DTNB: variants seen among roughly 807,000 people sequenced by gnomAD.
DTNB encodes dystrobrevin beta.
In DTNB, 63 loss-of-function variants were observed where a neutral mutation model predicts 90.7. The observed-to-expected ratio is 0.69, with a 90% CI of 0.57 to 0.86. DTNB has a LOEUF of 0.86. Ranked by LOEUF, DTNB falls within the 40% of genes least tolerant of loss-of-function variation. The pLI, the probability that DTNB is intolerant of heterozygous loss-of-function variation, is 0.00. For missense variants in DTNB, 744 were observed against 807.1 expected, an observed-to-expected ratio of 0.92 and a Z score of 0.95; for synonymous variants, 277 against 286.7, an observed-to-expected ratio of 0.97 and a Z score of 0.34.
chr2:25,505,105 T>C (rs1208093845), intron 9 of DTNB, among the ~76,000 whole-genome samples: 1 of 152,216 alleles, frequency 6.6e-6, no homozygotes, highest in East Asian at 1.9e-4. Context: ...GCCTAAATAC[T>C]GTATAATGAT....
At chr2:25,529,449 T>C (rs1395361249) in intron 9 of DTNB, among the ~76,000 whole-genome samples, 1 of 151,620 alleles carries the variant, frequency 6.6e-6, no homozygotes, top group Non-Finnish European at 1.5e-5. Flanking sequence ...ACTATAATGT[T>C]GAGAGGCAGG....
intron 6 of DTNB, among the ~76,000 whole-genome samples, chr2:25,589,380 T>TTC (rs1224198827): frequency 2.7e-5 from 3 of 113,148 alleles, no homozygotes; most frequent in Non-Finnish European, 3.8e-5. Context: ...TTTTTTTTTT[T>TTC]TTTTTTTTTT....
intron 3 of DTNB, among the ~76,000 whole-genome samples, chr2:25,635,339 G>A (rs1046475606): frequency 6.6e-6 from 1 of 152,120 alleles, no homozygotes; most frequent in African/African-American, 2.4e-5. Flanking sequence ...GCTGGGGCAG[G>A]AGAATCAAAC....
intron 8 of DTNB, among the ~76,000 whole-genome samples, chr2:25,566,708 G>T (rs2059095874): frequency 6.6e-6 from 1 of 152,206 alleles, no homozygotes; most frequent in African/African-American, 2.4e-5. Context: ...AATAGTCAAT[G>T]CATGGGATGT....
At chr2:25,603,009 T>G (rs1232859853) in intron 5 of DTNB, among the ~76,000 whole-genome samples, 1 of 152,144 alleles carries the variant, frequency 6.6e-6, no homozygotes, top group African/African-American at 2.4e-5. Context: ...TAGGATAAAC[T>G]CAAGAAGTAG....
intron 8 of DTNB, among the ~76,000 whole-genome samples, chr2:25,565,912 AGT>A (rs1418940347): frequency 1.3e-5 from 2 of 152,154 alleles, no homozygotes; most frequent in Non-Finnish European, 2.9e-5. Context: ...CAGGGTGACT[AGT>A]GTAGGCAGAA....
chr2:25,606,009 A>C (rs1432756552), intron 5 of DTNB, among the ~76,000 whole-genome samples: 1 of 152,188 alleles, frequency 6.6e-6, no homozygotes, highest in African/African-American at 2.4e-5. Context: ...CAGTTGACCA[A>C]ATACATTAAG....
In DTNB at chr2:25,455,115, G is replaced by A. The variant is rs116447703; in HGVS notation, c.1169+290C>T. 7.0e-3 allele frequency among the ~76,000 whole-genome samples: 1,068 copies of A among 152,254 alleles called. 7 individuals are homozygous for A. Among genetic ancestry groups the A allele is most frequent in the Middle Eastern group, 0.014 (4 of 294 alleles). ...TGCATCAGATACCTCTGTGAGTACTGCGATCCCTCATAGGTTTATATATTT... is the reference window on the plus strand; with the variant it reads ...TGCATCAGATACCTCTGTGAGTACTACGATCCCTCATAGGTTTATATATTT... On this transcript the variant is annotated intron_variant, in intron 11 of 20. Transcript: ENST00000406818.
intron 15 of DTNB, 100 bp downstream of exon 15, chr2:25,427,435 G>T: frequency 1.7e-6 from 2 of 1,153,886 alleles, no homozygotes; most frequent in Non-Finnish European, 2.4e-6. Flanking sequence ...CTAAAGTCAA[G>T]CCTTTGGCCT....
intron 10 of DTNB, among the ~76,000 whole-genome samples, chr2:25,476,216 G>A (rs1411507467): frequency 2.0e-5 from 3 of 152,016 alleles, no homozygotes; most frequent in African/African-American, 2.4e-5. Flanking sequence ...TTACAGGCAG[G>A]TGCCACCATG....
rs201543432 is a variant in DTNB, at chr2:25,390,029, G to A, written c.1576-1668C>T. On this transcript the variant is annotated intron_variant, in intron 16 of 20. Coordinates refer to ENST00000406818, the MANE Select transcript of DTNB (RefSeq NM_021907.5). ...AAATTTGCAATATTTTTGTCCACCA[G>A]TTCTTTCCTGTTCCAGTTCTTTCCT... is the stretch of plus-strand genomic sequence containing the variant. Among the ~76,000 whole-genome samples the A allele has an allele frequency of 2.0e-5, 3 of 152,196 alleles. No homozygotes were observed. In the East Asian group the frequency reaches 5.8e-4, roughly 29 times the overall value.
intron 1 of DTNB, among the ~76,000 whole-genome samples, chr2:25,662,840 G>A (rs1041527265): frequency 1.3e-5 from 2 of 152,086 alleles, no homozygotes; most frequent in African/African-American, 4.8e-5. Flanking sequence ...TTCTTAGGCT[G>A]GGTTCTAGGT....
At chr2:25,461,374 C>T (rs965434763) in intron 10 of DTNB, among the ~76,000 whole-genome samples, 6 of 152,032 alleles carry the variant, frequency 3.9e-5, no homozygotes, top group Non-Finnish European at 8.8e-5. Flanking sequence ...CAAAGTTGTA[C>T]CTAGTTTACC....
Position 25,563,753 on chromosome 2 carries a change from GACA to G in DTNB, c.876+13082_876+13084del, listed in dbSNP as rs1229491032. Among the ~76,000 whole-genome samples the G allele has an allele frequency of 5.9e-5, 9 of 152,194 alleles. No homozygotes were observed. In the East Asian group the frequency reaches 1.7e-3, roughly 29 times the overall value. On this transcript the variant is annotated intron_variant, in intron 8 of 20. Coordinates refer to ENST00000406818, the MANE Select transcript of DTNB (RefSeq NM_021907.5). ...TGGTCATCACCCTCATTGAAAAATCGACAACAACAAATACAAGGGTTTATTTCT... is the reference window on the plus strand; with the variant it reads ...TGGTCATCACCCTCATTGAAAAATCGACAACAAATACAAGGGTTTATTTCT...
At chr2:25,629,843 A>G (rs1333616286) in intron 3 of DTNB, among the ~76,000 whole-genome samples, 1 of 152,244 alleles carries the variant, frequency 6.6e-6, no homozygotes, top group Non-Finnish European at 1.5e-5. Context: ...CCTCAAGATC[A>G]GGAACAAGAC....
At position 25,439,140 on chromosome 2, in the gene DTNB, G is replaced by A. The variant is rs141840226; in HGVS notation, c.1258-5145C>T. ...AAATATGAATAAAGTATGGACTTTA[G>A]TTAATAATAATGTATCAATATTGCT... On this transcript the variant is annotated intron_variant, in intron 12 of 20. Transcript: ENST00000406818. Among the ~76,000 whole-genome samples, 111 of 152,292 alleles carry A rather than the reference G, an allele frequency of 7.3e-4. 1 individual carries two copies. The highest frequency in any genetic ancestry group is 2.5e-3 in the African/African-American group (105 of 41,558).
At chr2:25,562,887 G>A (rs1183585709) in intron 8 of DTNB, among the ~76,000 whole-genome samples, 5 of 151,778 alleles carry the variant, frequency 3.3e-5, no homozygotes, top group Admixed American at 1.3e-4. Context: ...ATCCTCCTGC[G>A]GCCTCCAGAG....
At chr2:25,402,804 G>T (rs2044082312) in intron 16 of DTNB, among the ~76,000 whole-genome samples, 1 of 152,196 alleles carries the variant, frequency 6.6e-6, no homozygotes, top group South Asian at 2.1e-4. Flanking sequence ...GCCAATGGCA[G>T]AAAGTTAGGG....
chr2:25,550,217 C>A (rs1454835630), intron 8 of DTNB, among the ~76,000 whole-genome samples: 1 of 151,996 alleles, frequency 6.6e-6, no homozygotes, highest in Non-Finnish European at 1.5e-5. Flanking sequence ...CGGTGAAACC[C>A]CGTGTCTACT....
Sources: gnomAD v4.1 joint callset for allele counts (sites outside exome capture counted in the v4.1 genomes callset) on GRCh38, gnomAD v4.1.1 for gene constraint, MANE v1.5 for transcripts, NCBI Gene and HGNC (gene_info 2026-07-23, HGNC 2026-07-21) for gene names.